The following OXCT1 variants were observed in gnomAD, a reference collection of about 807,000 sequenced individuals.
The protein encoded by OXCT1 is 3-oxoacid CoA-transferase 1, also known as succinyl-CoA:3-ketoacid coenzyme A transferase 1, mitochondrial.
In OXCT1, 27 loss-of-function variants were observed where a neutral mutation model predicts 69.6. The ratio of observed to expected loss-of-function variants is 0.39; its 90% CI spans 0.29 to 0.54. The LOEUF is 0.54. Among genes scored for constraint, OXCT1 ranks in the 20% least tolerant of loss-of-function variants. The pLI, the probability that OXCT1 is intolerant of heterozygous loss-of-function variation, is 0.72. For synonymous variants in OXCT1, 202 were observed against 217.8 expected (o/e 0.93, Z 0.64); for missense variants, 437 against 650.2 (o/e 0.67, Z 3.57).
At chr5:41,845,719 T>A (rs1472101910) in intron 5 of OXCT1, among the ~76,000 whole-genome samples, 1 of 152,188 alleles carries the variant, frequency 6.6e-6, no homozygotes. Context: ...ACGAGGTGAA[T>A]TAATTTTTCA....
At position 41,793,730 on chromosome 5, in the gene OXCT1, C is replaced by T. The variant is rs34071445; in HGVS notation, c.1248+273G>A. On this transcript the variant is annotated intron_variant, in intron 13 of 16. Coordinates refer to ENST00000196371, the MANE Select transcript of OXCT1 (RefSeq NM_000436.4). ...TTCTTATTTTCAGAGTATAATTAGCCCTTTTTCTGTTTTTTAAGTCTTCTC... is the reference window on the plus strand; with the variant it reads ...TTCTTATTTTCAGAGTATAATTAGCTCTTTTTCTGTTTTTTAAGTCTTCTC... Among the ~76,000 whole-genome samples the T allele has an allele frequency of 0.19, 28,448 of 151,892 alleles. 2,842 individuals carry two copies. The highest frequency in any genetic ancestry group is 0.29 in the Middle Eastern group (84 of 294).
chr5:41,863,602 C>G (rs1579908237), intron 1 of OXCT1, among the ~76,000 whole-genome samples: 1 of 152,132 alleles, frequency 6.6e-6, no homozygotes, highest in South Asian at 2.1e-4. Context: ...CCCCTTGTAA[C>G]AGATGTCTTC....
intron 15 of OXCT1, among the ~76,000 whole-genome samples, chr5:41,743,545 G>T (rs1032877138): frequency 4.6e-5 from 7 of 152,168 alleles, no homozygotes; most frequent in Non-Finnish European, 1.0e-4. Flanking sequence ...TACACATGAA[G>T]TCCTCGCCCA....
intron 5 of OXCT1, among the ~76,000 whole-genome samples, chr5:41,844,033 T>G (rs995738157): frequency 6.6e-6 from 1 of 152,190 alleles, no homozygotes; most frequent in African/African-American, 2.4e-5. Context: ...TACATACAGA[T>G]CTAGAAAACT....
chr5:41,782,600 T>C (rs1212437424), intron 13 of OXCT1, among the ~76,000 whole-genome samples: 1 of 151,992 alleles, frequency 6.6e-6, no homozygotes, highest in Non-Finnish European at 1.5e-5. Context: ...TGGGGTTAGT[T>C]TTTTTTTGTA....
At position 41,730,352 on chromosome 5, in the gene OXCT1, G is replaced by A. The variant is rs1007278861; in HGVS notation, c.*1377C>T. 1 of 152,186 alleles carries A rather than the reference G, an allele frequency of 6.6e-6. No homozygotes were observed. Among genetic ancestry groups the A allele is most frequent in the African/African-American group, 2.4e-5 (1 of 41,446 alleles). The allele number at this position is 152,186 out of a possible 1,614,324, so 9.4% of individuals were successfully genotyped here. On this transcript the variant is annotated 3_prime_UTR_variant, in exon 17 of 17. Coordinates refer to ENST00000196371, the MANE Select transcript of OXCT1 (RefSeq NM_000436.4). ...CCAGAAAGGCTGTTTTATATATGGT[G>A]TGTGTTACTCATAAAAAGCCTGTCC...
At chr5:41,732,898 A>G (rs760548955) in intron 16 of OXCT1, among the ~76,000 whole-genome samples, 3 of 152,222 alleles carry the variant, frequency 2.0e-5, no homozygotes, top group Non-Finnish European at 4.4e-5. Flanking sequence ...TTAACTCTTC[A>G]TAGTATCAAG....
At chr5:41,809,511 A>G (rs1486329911) in intron 7 of OXCT1, among the ~76,000 whole-genome samples, 1 of 152,076 alleles carries the variant, frequency 6.6e-6, no homozygotes, top group Non-Finnish European at 1.5e-5. Context: ...TTTGAAAATA[A>G]TAATGTGAAT....
chr5:41,750,345 A>AGCCCCTCCTCCC (rs1326895319), intron 14 of OXCT1, among the ~76,000 whole-genome samples: 1 of 151,808 alleles, frequency 6.6e-6, no homozygotes, highest in Non-Finnish European at 1.5e-5. Flanking sequence ...TCCCTCCTCC[A>AGCCCCTCCTCCC]GCCCCTCCTC....
chr5:41,761,983 T>C (rs1220224308), intron 14 of OXCT1, 128 bp downstream of exon 14: 1 of 747,538 alleles, frequency 1.3e-6, no homozygotes, highest in African/African-American at 1.7e-5. Flanking sequence ...CTCTCTCAAA[T>C]GTAAATGCTA....
intron 15 of OXCT1, among the ~76,000 whole-genome samples, chr5:41,747,893 T>C (rs1412390058): frequency 1.3e-5 from 2 of 152,074 alleles, no homozygotes; most frequent in Admixed American, 6.6e-5. Flanking sequence ...TGTCCCTAGA[T>C]TAGCATCTGG....
chr5:41,789,416 G>A (rs746041265), intron 13 of OXCT1, among the ~76,000 whole-genome samples: 9 of 152,086 alleles, frequency 5.9e-5, no homozygotes, highest in Admixed American at 5.2e-4. Context: ...AAACGTTGTC[G>A]TTTATATTTA....
intron 13 of OXCT1, among the ~76,000 whole-genome samples, chr5:41,769,738 C>A (rs1347507950): frequency 6.6e-6 from 1 of 151,886 alleles, no homozygotes; most frequent in African/African-American, 2.4e-5. Flanking sequence ...AAAAAAATCA[C>A]CTATCACAGA....
chr5:41,866,970 G>A (rs1208563535), intron 1 of OXCT1, among the ~76,000 whole-genome samples: 2 of 152,234 alleles, frequency 1.3e-5, no homozygotes, highest in African/African-American at 2.4e-5. Context: ...ACAGACATGC[G>A]GGATCAGGTC....
intron 16 of OXCT1, among the ~76,000 whole-genome samples, chr5:41,738,858 AT>A (rs1743018430): frequency 1.3e-5 from 2 of 152,250 alleles, no homozygotes; most frequent in East Asian, 3.9e-4. Flanking sequence ...AGTCTGTTTT[AT>A]GTACTTATCT....
At chr5:41,828,317 T>C (rs1016799273) in intron 7 of OXCT1, among the ~76,000 whole-genome samples, 6 of 151,938 alleles carry the variant, frequency 3.9e-5, no homozygotes, top group Admixed American at 3.9e-4. Context: ...GGTTTCACCA[T>C]GTTGGCCAGG....
chr5:41,859,891 T>TATATATATATATATATATATATATGTA (rs1554019118), intron 3 of OXCT1, among the ~76,000 whole-genome samples: 1 of 114,214 alleles, frequency 8.8e-6, no homozygotes, highest in Non-Finnish European at 1.9e-5. Flanking sequence ...ATATATGTAA[T>TATATATATATATATATATATATATGTA]ATATATATAT....
Position 41,870,205 on chromosome 5 carries a change from A to C in OXCT1, c.78+76T>G, listed in dbSNP as rs994003947. 2.7e-5 allele frequency: 31 copies of C among 1,157,198 alleles called. No homozygotes were observed. Among genetic ancestry groups the C allele is most frequent in the Non-Finnish European group, 3.9e-5 (30 of 770,440 alleles). 71.7% of individuals were successfully genotyped at this position (1,157,198 alleles called of 1,614,324 possible). Reference sequence around the variant, plus strand: ...CTGGAGAGAGCGGGTAGGGGCAGAGAAGAAAACGCGGGCACCACTCAGGGT... The same window carrying C: ...CTGGAGAGAGCGGGTAGGGGCAGAGCAGAAAACGCGGGCACCACTCAGGGT... On this transcript the variant is annotated intron_variant, in intron 1 of 16. Transcript: ENST00000196371. This position sits in a 1 kb window ranked among gnomAD's most constrained non-coding sequence, Gnocchi z 4.2.
intron 15 of OXCT1, among the ~76,000 whole-genome samples, chr5:41,739,987 A>C (rs1394983330): frequency 6.6e-6 from 1 of 152,162 alleles, no homozygotes; most frequent in African/African-American, 2.4e-5. Flanking sequence ...CCTAATCAGC[A>C]ATTAGTTGTG....
Sources: allele counts gnomAD v4.1 joint callset (sites outside exome capture counted in the v4.1 genomes callset), GRCh38; gene constraint gnomAD v4.1.1; non-coding constraint Gnocchi (gnomAD v3.1); transcripts MANE v1.5; gene names NCBI Gene and HGNC (gene_info 2026-07-23, HGNC 2026-07-21).